The following WDR62 variants were observed in gnomAD, a reference collection of about 807,000 sequenced individuals.
WDR62 encodes WD repeat domain 62, also known as WD repeat-containing protein 62.
In WDR62, 112 loss-of-function variants were observed where a neutral mutation model predicts 160.6. The observed-to-expected ratio is 0.70, with a 90% confidence interval of 0.60 to 0.82. The LOEUF (loss-of-function observed/expected upper bound fraction) is 0.82. WDR62 is among the 40% of genes least tolerant of loss of function. The pLI is 0.00. For missense variants in WDR62, 1,819 were observed against 1,983.8 expected (o/e 0.92, Z 1.58); for synonymous variants, 792 against 815.1 (o/e 0.97, Z 0.48).
At chr19:36,098,987 C>T (rs1428256307) in intron 21 of WDR62, among the ~76,000 whole-genome samples, 1 of 152,024 alleles carries the variant, frequency 6.6e-6, no homozygotes, top group South Asian at 2.1e-4. Context: ...TTTGGGAAGC[C>T]GAGGCGGGCG....
At chr19:36,100,477 C>T (rs1391205913) in intron 22 of WDR62, among the ~76,000 whole-genome samples, 1 of 152,242 alleles carries the variant, frequency 6.6e-6, no homozygotes, top group Admixed American at 6.5e-5. Flanking sequence ...GTTCTGACCT[C>T]TCACCAAGGA....
intron 22 of WDR62, among the ~76,000 whole-genome samples, chr19:36,099,849 G>A (rs934001706): frequency 1.5e-4 from 23 of 152,224 alleles, no homozygotes; most frequent in African/African-American, 5.3e-4. Flanking sequence ...GAGCAGGCTT[G>A]TACCCAAGTG....
chr19:36,085,990 A>T (rs1199289374), intron 12 of WDR62, among the ~76,000 whole-genome samples: 4 of 152,030 alleles, frequency 2.6e-5, no homozygotes, highest in South Asian at 4.2e-4. Flanking sequence ...GCTCCTCAAG[A>T]TGTTTTCTAG....
At chr19:36,088,138 C>T (rs988726311) in intron 13 of WDR62, among the ~76,000 whole-genome samples, 5 of 152,100 alleles carry the variant, frequency 3.3e-5, no homozygotes, top group Admixed American at 2.6e-4. Context: ...TGGACCCTCT[C>T]AAATGTCCTG....
At chr19:36,092,927 T>A in intron 19 of WDR62, 116 bp downstream of exon 19, 1 of 1,469,436 alleles carries the variant, frequency 6.8e-7, no homozygotes, top group East Asian at 2.3e-5. Flanking sequence ...CTTAGCACAC[T>A]CACAGCTGAG....
At chr19:36,076,499 A>G (rs904079250) in intron 9 of WDR62, among the ~76,000 whole-genome samples, 8 of 151,848 alleles carry the variant, frequency 5.3e-5, no homozygotes, top group Non-Finnish European at 1.0e-4. Flanking sequence ...CAGAGGTTGC[A>G]GTAAGCCAAG....
downstream of WDR62, among the ~76,000 whole-genome samples, chr19:36,106,243 G>A (rs1973709273): frequency 6.6e-6 from 1 of 151,876 alleles, no homozygotes; most frequent in Non-Finnish European, 1.5e-5. Flanking sequence ...GTGCACACCT[G>A]TAGTCCCAGC....
At position 36,054,943 on chromosome 19, in the gene WDR62, T is replaced by G. The variant is rs763738237; in HGVS notation, c.-29T>G. 1.3e-6 allele frequency: 2 copies of G among 1,562,330 alleles called. No homozygotes were observed. Among genetic ancestry groups the G allele is most frequent in the South Asian group, 2.3e-5 (2 of 86,496 alleles). On this transcript the variant is annotated 5_prime_UTR_variant, in exon 1 of 32. The change abolishes an upstream ATG in the 5' untranslated region. Coordinates refer to ENST00000401500, the MANE Select transcript of WDR62 (RefSeq NM_001083961.2). ...GGTGGCGGCAGCGGCGGTTAGGGGA[T>G]GTAACGGTCGCCCGCCTCCGGCGTG...
At position 36,067,938 on chromosome 19, in the gene WDR62, C is replaced by G; in HGVS notation, c.810C>G (p.Phe270Leu). 1 of 1,614,212 alleles carries G rather than the reference C, an allele frequency of 6.2e-7. No individual in the cohort carries two copies. The highest frequency in any genetic ancestry group is 8.5e-7 in the Non-Finnish European group (1 of 1,180,036). ...GGGGCCGGATGGCGGGCAGTACCTT[C>G]TGTGTGTCCTACTCGGGCCTCCTCT... ...CGRGRMAGSTFCVSYSGLLCQ... is the reference protein window; with the variant it reads ...CGRGRMAGSTLCVSYSGLLCQ... Residue 270 changes from phenylalanine (F) to leucine (L), a missense_variant, in exon 7 of 32, where the codon TTC (phenylalanine) becomes TTG (leucine). Physicochemically the swap from Phe to Leu is conservative, Grantham distance 22. This residue lies in a region of WDR62 where 934 missense variants were observed against 1,157.2 expected (regional missense o/e 0.81). Coordinates refer to ENST00000401500, the MANE Select transcript of WDR62 (RefSeq NM_001083961.2).
downstream of WDR62, among the ~76,000 whole-genome samples, chr19:36,108,094 C>T (rs1394117917): frequency 6.6e-6 from 1 of 152,066 alleles, no homozygotes; most frequent in Non-Finnish European, 1.5e-5. Flanking sequence ...CCCAAAAGAG[C>T]AAATCCCAGG....
intron 12 of WDR62, among the ~76,000 whole-genome samples, chr19:36,085,226 G>A (rs1457403127): frequency 6.6e-6 from 1 of 151,590 alleles, no homozygotes; most frequent in African/African-American, 2.4e-5. Context: ...AGTGATTCTC[G>A]TGCCTCAGTC....
At chr19:36,058,016 C>T (rs181268428) in intron 1 of WDR62, among the ~76,000 whole-genome samples, 1 of 152,282 alleles carries the variant, frequency 6.6e-6, no homozygotes, top group East Asian at 1.9e-4. Context: ...ATAGAGCCTT[C>T]TTCGTGGCTT....
rs45567532 is a variant in WDR62 at position 36,083,161 on chromosome 19, C to T, written c.1470C>T (p.Asp490=). The change falls in exon 11 of 32, where the codon GAC becomes GAT. Residue 490 remains aspartate, a synonymous_variant. Transcript: ENST00000401500. ...GGAGCGAGAATGGGACACCCATGGA[C>T]GTGAAAGCCGGGGTGCGGGTCATGC... ...DRGSENGTPM[D]VKAGVRVMQV... 0.11 allele frequency: 173,201 copies of T among 1,612,408 alleles called. 10,490 individuals are homozygous for T. The highest frequency in any genetic ancestry group is 0.24 in the African/African-American group (17,825 of 74,958).
downstream of WDR62, among the ~76,000 whole-genome samples, chr19:36,109,953 G>A (rs968233195): frequency 6.6e-6 from 1 of 151,468 alleles, no homozygotes; most frequent in African/African-American, 2.4e-5. Flanking sequence ...TACTTGGAAG[G>A]CTGAGGCAGG....
rs756083731 is a variant in WDR62 at position 36,073,543 on chromosome 19, C to G, written c.1233+12C>G. 5 of 1,400,612 alleles carry G rather than the reference C, an allele frequency of 3.6e-6. No homozygotes were observed. The highest frequency in any genetic ancestry group is 3.4e-5 in the South Asian group (3 of 87,036). The allele number at this position is 1,400,612 out of a possible 1,614,324, so 86.8% of individuals were successfully genotyped here. A position where few individuals can be genotyped will look rare whatever the true frequency, so the allele number is the denominator to read the frequency against. ...TTTGGAACGTGGAGGTGAGCCCCCC[C>G]CCCACCCCCTTGCCCCTGCTTGGCC... On this transcript the variant is annotated intron_variant, in intron 9 of 31. Coordinates refer to ENST00000401500, the MANE Select transcript of WDR62 (RefSeq NM_001083961.2).
rs754624644 is a variant in WDR62, at chr19:36,103,584, A to G, written c.3756A>G (p.Pro1252=). ...VATLAQPLRR[P]SSVGELASLG... is the part of the protein sequence containing the mutation. ...CACTGGCCCAGCCCCTCCGTAGGCC[A>G]TCGTCCGTTGGGGAGCTGGCCTCCT... The change falls in exon 30 of 32, where the codon CCA becomes CCG. Residue 1252 remains proline (P), a synonymous_variant. Transcript: ENST00000401500. 1 of 1,613,546 alleles carries G rather than the reference A, an allele frequency of 6.2e-7. No individual in the cohort carries two copies.
rs922277370 is a variant in WDR62 at position 36,090,645 on chromosome 19, C to T, written c.2034+125C>T. 3.9e-5 allele frequency: 34 copies of T among 878,216 alleles called. No individual in the cohort carries two copies. In the African/African-American group the frequency reaches 5.4e-4, roughly 14 times the overall value. 54.4% of individuals were successfully genotyped at this position (878,216 alleles called of 1,614,324 possible). On this transcript the variant is annotated intron_variant, in intron 16 of 31. Transcript: ENST00000401500. The stretch of plus-strand genomic sequence containing the variant: ...CCGCGCTGCCCAGCACCTTCTCAGG[C>T]CTGGTTAAACAAGGATGCTTGCGAG...
At chr19:36,063,145 A>G (rs1437197319) in intron 3 of WDR62, among the ~76,000 whole-genome samples, 2 of 152,138 alleles carry the variant, frequency 1.3e-5, no homozygotes, top group Non-Finnish European at 2.9e-5. Flanking sequence ...GGGTTTCCCC[A>G]TGTTGGCCAG....
intron 3 of WDR62, among the ~76,000 whole-genome samples, chr19:36,063,231 C>T (rs534723713): frequency 1.2e-3 from 175 of 151,976 alleles, no homozygotes; most frequent in Non-Finnish European, 2.4e-3. Flanking sequence ...GCGTGAGCCA[C>T]AGCACCTGGC....
Sources: gnomAD v4.1 joint callset for allele counts (sites outside exome capture counted in the v4.1 genomes callset) on GRCh38, gnomAD v4.1.1 for gene constraint, gnomAD v4.1.1 regional missense constraint, MANE v1.5 for transcripts, NCBI Gene and HGNC (gene_info 2026-07-23, HGNC 2026-07-21) for gene names.